Variants in GTF2I observed in about 807,000 individuals in gnomAD.
GTF2I encodes the protein general transcription factor IIi.
In GTF2I, 12 loss-of-function variants were observed where a neutral mutation model predicts 67.6. That is an observed-to-expected ratio of 0.18 (90% CI 0.11 to 0.29). The LOEUF (loss-of-function observed/expected upper bound fraction) is 0.29, where lower values mean the gene tolerates loss of function less well. Ranked by LOEUF, GTF2I falls within the 10% of genes least tolerant of loss-of-function variation. GTF2I has a pLI of 1.00. For missense variants in GTF2I, 271 were observed against 580.1 expected, an observed-to-expected ratio of 0.47 and a Z score of 5.47; for synonymous variants, 149 against 197.0, an observed-to-expected ratio of 0.76 and a Z score of 2.04.
intron 1 of GTF2I, among the ~76,000 whole-genome samples, chr7:74,662,090 C>T (rs1554386811): frequency 6.6e-6 from 1 of 151,410 alleles, no homozygotes; most frequent in African/African-American, 2.4e-5. Context: ...AGCGATTCAG[C>T]TTACTCAAAT....
intron 8 of GTF2I, among the ~76,000 whole-genome samples, chr7:74,706,709 G>C (rs1790751609): frequency 6.6e-6 from 1 of 152,076 alleles, no homozygotes; most frequent in Admixed American, 6.6e-5. Flanking sequence ...TATAATGTAA[G>C]AGGTCAGCTG....
At chr7:74,724,846 A>G (rs1014503169) in intron 12 of GTF2I, among the ~76,000 whole-genome samples, 10 of 152,140 alleles carry the variant, frequency 6.6e-5, no homozygotes, top group Non-Finnish European at 1.2e-4. Flanking sequence ...GCTTGAACCC[A>G]GGAAGTGGAG....
chr7:74,716,131 A>C (rs953067412), intron 10 of GTF2I, among the ~76,000 whole-genome samples: 6 of 151,994 alleles, frequency 3.9e-5, no homozygotes, highest in African/African-American at 1.4e-4. Flanking sequence ...TCAGATCTTT[A>C]AGGACAGAGG....
At chr7:74,714,815 TG>T (rs781843835) in intron 9 of GTF2I, 41 bp from the exon 10 acceptor site, 24 of 1,371,660 alleles carry the variant, frequency 1.7e-5, no homozygotes, top group East Asian at 1.7e-4. Flanking sequence ...CATTTTTTTT[TG>T]GGGGGGATTA....
At chr7:74,726,898 CAATA>C (rs1311522279) in intron 12 of GTF2I, 4 of 115,160 alleles carry the variant, frequency 3.5e-5, no homozygotes, top group Non-Finnish European at 5.6e-5. Context: ...GAGACCCTGC[CAATA>C]GATAGATAGA....
chr7:74,713,717 A>G (rs1283573381), intron 9 of GTF2I, among the ~76,000 whole-genome samples: 2 of 152,206 alleles, frequency 1.3e-5, no homozygotes, highest in Non-Finnish European at 2.9e-5. Flanking sequence ...ACTTGTGAAG[A>G]GCAACTAAAG....
intron 1 of GTF2I, among the ~76,000 whole-genome samples, chr7:74,663,455 T>A (rs1309445073): frequency 6.6e-6 from 1 of 151,956 alleles, no homozygotes; most frequent in East Asian, 1.9e-4. Flanking sequence ...CCAGCTAATT[T>A]TTTTGTATTT....
chr7:74,698,388 CCTT>C (rs1789239786), intron 3 of GTF2I, among the ~76,000 whole-genome samples: 1 of 103,712 alleles, frequency 9.6e-6, no homozygotes, highest in Admixed American at 1.2e-4. Context: ...CCGCACCTGG[CCTT>C]TTTTTTTTTT....
intron 10 of GTF2I, among the ~76,000 whole-genome samples, 185 bp downstream of exon 10, chr7:74,715,101 A>G (rs782170707): frequency 8.6e-5 from 13 of 152,002 alleles, no homozygotes; most frequent in African/African-American, 1.9e-4. Flanking sequence ...TCAAAAATCA[A>G]TTTTCCCTTT....
At chr7:74,671,485 T>C (rs1805451088) in intron 1 of GTF2I, among the ~76,000 whole-genome samples, 1 of 152,190 alleles carries the variant, frequency 6.6e-6, no homozygotes, top group African/African-American at 2.4e-5. Context: ...GTTTTTTTTT[T>C]TTCTTTAATG....
intron 1 of GTF2I, among the ~76,000 whole-genome samples, chr7:74,662,651 T>C (rs1398246442): frequency 6.7e-6 from 1 of 149,828 alleles, no homozygotes; most frequent in Admixed American, 6.7e-5. Context: ...GCCTCCTGAG[T>C]AGCTGGGATT....
intron 2 of GTF2I, among the ~76,000 whole-genome samples, chr7:74,690,713 G>A (rs191237025): frequency 2.0e-5 from 3 of 152,222 alleles, no homozygotes; most frequent in African/African-American, 7.2e-5. Context: ...CCCAAGTGCT[G>A]TAATTGACAG....
At chr7:74,706,529 G>T (rs957563876) in intron 8 of GTF2I, 96 bp downstream of exon 8, 1 of 935,034 alleles carries the variant, frequency 1.1e-6, no homozygotes, top group South Asian at 1.4e-5. Flanking sequence ...GTTTTGTTTT[G>T]ATAAGAAAGA....
rs781823900 is a variant in GTF2I at position 74,700,284 on chromosome 7, A to G, written c.411A>G (p.Pro137=). The G allele has an allele frequency of 6.2e-7, 1 of 1,614,092 alleles. No individual in the cohort carries two copies. The highest frequency in any genetic ancestry group is 8.5e-7 in the Non-Finnish European group (1 of 1,180,032). Residue 137 remains proline (P), a synonymous_variant, in exon 5 of 35, where the codon CCA becomes CCG. Transcript: ENST00000573035. ...GCAAATCCACAGTGGTACCTGTACC[A>G]TATGAGAAGATGCTGCGAGACCAGT... ...ALGKSTVVPV[P]YEKMLRDQSA...
intron 3 of GTF2I, among the ~76,000 whole-genome samples, chr7:74,692,862 A>C (rs1420398153): frequency 2.0e-5 from 3 of 152,074 alleles, no homozygotes; most frequent in African/African-American, 7.2e-5. Flanking sequence ...TCTTGGGTTC[A>C]AGTGATTCTC....
chr7:74,693,490 C>A (rs1788563045), intron 3 of GTF2I, among the ~76,000 whole-genome samples: 2 of 151,924 alleles, frequency 1.3e-5, no homozygotes. Flanking sequence ...GACTGCTTCA[C>A]CAATCGCCTG....
At chr7:74,730,762 A>C (rs1794403867) in intron 14 of GTF2I, among the ~76,000 whole-genome samples, 1 of 101,428 alleles carries the variant, frequency 9.9e-6, no homozygotes, top group Non-Finnish European at 1.8e-5. Context: ...TCTGCATTGC[A>C]GTAGTACAAT....
chr7:74,659,614 C>T (rs1207064402), intron 1 of GTF2I, among the ~76,000 whole-genome samples: 1 of 152,066 alleles, frequency 6.6e-6, no homozygotes, highest in African/African-American at 2.4e-5. Context: ...GTCTCCAACT[C>T]TTGAATCAAG....
At chr7:74,680,112 A>G (rs1295274276) in intron 1 of GTF2I, among the ~76,000 whole-genome samples, 6 of 127,076 alleles carry the variant, frequency 4.7e-5, no homozygotes, top group Non-Finnish European at 6.5e-5. Flanking sequence ...ATATATATAT[A>G]TATATGTATG....
Sources: gnomAD v4.1 joint callset for allele counts (sites outside exome capture counted in the v4.1 genomes callset) on GRCh38, gnomAD v4.1.1 for gene constraint, MANE v1.5 for transcripts, NCBI Gene and HGNC (gene_info 2026-07-23, HGNC 2026-07-21) for gene names.